CASK: variants seen among roughly 807,000 people sequenced by gnomAD.
The protein encoded by CASK is peripheral plasma membrane protein CASK.
In CASK, 4 loss-of-function variants were observed where a neutral mutation model predicts 82.9. The ratio of observed to expected loss-of-function variants is 0.05; its 90% CI spans 0.02 to 0.11. The LOEUF (loss-of-function observed/expected upper bound fraction) is 0.11, where lower values mean the gene tolerates loss of function less well. CASK is among the 10% of genes least tolerant of loss of function. The pLI, the probability that CASK is intolerant of heterozygous loss-of-function variation, is 1.00. For missense variants in CASK, 358 were observed against 720.9 expected (o/e 0.50, Z 5.76); for synonymous variants, 259 against 253.5 (o/e 1.02, Z -0.20).
chrX:41,644,228 AG>A (rs2066714639), intron 8 of CASK, among the ~76,000 whole-genome samples: 1 of 112,060 alleles, frequency 8.9e-6, no homozygotes, highest in African/African-American at 3.2e-5. Context: ...TATTTGTTGC[AG>A]GAAGTCAGAG....
At chrX:41,576,035 C>T (rs182710847) in intron 15 of CASK, among the ~76,000 whole-genome samples, 17 of 108,369 alleles carry the variant, frequency 1.6e-4, no homozygotes, top group Admixed American at 1.3e-3. Context: ...AGTGCAGTGG[C>T]GCGATCTCGG....
intron 3 of CASK, among the ~76,000 whole-genome samples, chrX:41,748,831 C>T (rs1159930113): frequency 8.9e-6 from 1 of 111,810 alleles, no homozygotes; most frequent in Non-Finnish European, 1.9e-5. Flanking sequence ...CTGCCCTGTG[C>T]TATAATTATC....
chrX:41,609,241 G>A (rs183009227), intron 12 of CASK, among the ~76,000 whole-genome samples: 49 of 110,945 alleles, frequency 4.4e-4, no homozygotes, highest in Non-Finnish European at 7.2e-4. Context: ...TCAGCCTCCC[G>A]AGTAGCCAGG....
intron 22 of CASK, among the ~76,000 whole-genome samples, chrX:41,540,636 T>C (rs2147107791): frequency 8.9e-6 from 1 of 112,370 alleles, no homozygotes; most frequent in African/African-American, 3.2e-5. Context: ...AGCTGCCTAT[T>C]AAGCTTACAG....
chrX:41,805,979 C>A lies in CASK; in HGVS notation c.173-18696G>T, dbSNP rs377486367. 9.0e-5 allele frequency among the ~76,000 whole-genome samples: 10 copies of A among 111,537 alleles called. No individual in the cohort carries two copies. In the East Asian group the frequency reaches 2.0e-3, roughly 22 times the overall value. ...TGCTTTCAATAAGTCTAGGCTAGTA[C>A]CCCCACAGCCCCAATGCCTAAGTCT... is the stretch of plus-strand genomic sequence containing the variant. On this transcript the variant is annotated intron_variant, in intron 2 of 26. Coordinates refer to ENST00000378163, the MANE Select transcript of CASK (RefSeq NM_001367721.1).
At chrX:41,586,815 T>G in intron 14 of CASK, 92 bp downstream of exon 14, 101 of 559,287 alleles carry the variant, frequency 1.8e-4, no homozygotes, top group Non-Finnish European at 2.2e-4. Context: ...TAAAAATGCA[T>G]GAGATGAAGC....
Position 41,727,467 on chromosome X carries a change from C to G in CASK, c.429+11917G>C, listed in dbSNP as rs765051949. ...ATGGCCATTTACTGAAAAAATTTCG[C>G]CAGCCCAACTTTGCTAGAAAACTAT... On this transcript the variant is annotated intron_variant, in intron 5 of 26. Transcript: ENST00000378163. 6.6e-6 allele frequency: 8 copies of G among 1,208,781 alleles called. No individual in the cohort carries two copies. In the East Asian group the frequency reaches 1.8e-4, roughly 27 times the overall value.
intron 9 of CASK, among the ~76,000 whole-genome samples, chrX:41,634,895 T>A (rs778489410): frequency 8.9e-6 from 1 of 112,419 alleles, no homozygotes; most frequent in South Asian, 3.6e-4. Flanking sequence ...GGCTTATCAT[T>A]AATAATTATT....
intron 8 of CASK, among the ~76,000 whole-genome samples, chrX:41,655,144 C>T (rs953233330): frequency 1.8e-5 from 2 of 110,966 alleles, no homozygotes; most frequent in African/African-American, 6.6e-5. Flanking sequence ...GAACACTTCC[C>T]CTACCCAGTA....
At chrX:41,692,190 T>C (rs775232625) in intron 5 of CASK, among the ~76,000 whole-genome samples, 1 of 112,420 alleles carries the variant, frequency 8.9e-6, no homozygotes, top group Non-Finnish European at 1.9e-5. Flanking sequence ...TAAATATTAG[T>C]TAATGGTTTG....
rs2071122488 is a variant in CASK, at chrX:41,844,957, A to T, written c.172+8158T>A. On this transcript the variant is annotated intron_variant, in intron 2 of 26. Coordinates refer to ENST00000378163, the MANE Select transcript of CASK (RefSeq NM_001367721.1). Reference sequence around the variant, plus strand: ...TTTCTTCTTTGACCCACTGGCTACTATGTTAATTTCCACATCTTTGTGAAT... The same window carrying T: ...TTTCTTCTTTGACCCACTGGCTACTTTGTTAATTTCCACATCTTTGTGAAT... Among the ~76,000 whole-genome samples the T allele has an allele frequency of 4.5e-5, 5 of 111,745 alleles. No individual in the cohort carries two copies. In the Admixed American group the frequency reaches 4.7e-4, roughly 11 times the overall value.
chrX:41,684,903 T>G (rs2067417049), intron 5 of CASK, among the ~76,000 whole-genome samples: 1 of 112,020 alleles, frequency 8.9e-6, no homozygotes, highest in African/African-American at 3.2e-5. Context: ...TTAACTGATT[T>G]TGATAACTGT....
intron 3 of CASK, among the ~76,000 whole-genome samples, chrX:41,766,558 T>G (rs1225983723): frequency 1.8e-5 from 2 of 111,628 alleles, no homozygotes; most frequent in African/African-American, 6.5e-5. Context: ...ACCCACTGCT[T>G]GATTTTGAGG....
chrX:41,573,165 CT>C (rs1292065336), intron 15 of CASK, among the ~76,000 whole-genome samples: 7 of 103,727 alleles, frequency 6.7e-5, no homozygotes, highest in Non-Finnish European at 1.4e-4. Flanking sequence ...CAACCTCCAC[CT>C]ACCAGGGTCA....
At chrX:41,869,818 A>AAAAAAAAAAAAAAAAAAAAC (rs2071668830) in intron 1 of CASK, among the ~76,000 whole-genome samples, 1 of 99,345 alleles carries the variant, frequency 1.0e-5, no homozygotes, top group African/African-American at 3.6e-5. Context: ...GTCTCAAAAA[A>AAAAAAAAAAAAAAAAAAAAC]AAAAAAAAAA....
intron 22 of CASK, among the ~76,000 whole-genome samples, chrX:41,541,732 CATT>C (rs1255035691): frequency 1.6e-4 from 18 of 111,816 alleles, no homozygotes; most frequent in African/African-American, 4.9e-4. Flanking sequence ...TTGTCAGAAA[CATT>C]ATGCCATCAA....
At chrX:41,725,080 C>T (rs2068235177) in intron 5 of CASK, among the ~76,000 whole-genome samples, 1 of 111,672 alleles carries the variant, frequency 9.0e-6, no homozygotes, top group Non-Finnish European at 1.9e-5. Context: ...TATAATTCAT[C>T]AGGTTGCACT....
chrX:41,699,430 G>C (rs1230338604), intron 5 of CASK, among the ~76,000 whole-genome samples: 5 of 111,173 alleles, frequency 4.5e-5, no homozygotes, highest in Non-Finnish European at 9.4e-5. Flanking sequence ...ATGAAATTTA[G>C]CATTTCTGTT....
intron 5 of CASK, among the ~76,000 whole-genome samples, chrX:41,684,425 C>T (rs993777138): frequency 8.9e-6 from 1 of 111,886 alleles, no homozygotes; most frequent in Non-Finnish European, 1.9e-5. Flanking sequence ...TAGAAAGTAA[C>T]TGGCCTATAT....
Sources: allele counts gnomAD v4.1 joint callset (sites outside exome capture counted in the v4.1 genomes callset), GRCh38; gene constraint gnomAD v4.1.1; transcripts MANE v1.5; gene names NCBI Gene and HGNC (gene_info 2026-07-23, HGNC 2026-07-21).